Variants in HESX1 observed in about 807,000 individuals in gnomAD.
HESX1 encodes the protein HESX homeobox 1, also known as homeobox expressed in ES cells 1.
Under a neutral mutation model 22.5 loss-of-function variants are expected in HESX1, and 11 were observed. The ratio of observed to expected loss-of-function variants is 0.49; its 90% CI spans 0.31 to 0.81. HESX1 has a LOEUF of 0.81. Among genes scored for constraint, HESX1 ranks in the 30% least tolerant of loss-of-function variants. The pLI is 0.05. For synonymous variants in HESX1, 74 were observed against 76.5 expected (o/e 0.97, Z 0.17); for missense variants, 201 against 212.6 (o/e 0.95, Z 0.34).
chr3:57,217,526 G>A (rs2060589215), intron 1 of HESX1, among the ~76,000 whole-genome samples: 2 of 151,984 alleles, frequency 1.3e-5, no homozygotes, highest in South Asian at 2.1e-4. Context: ...CTCACTTGAG[G>A]ACCAATCCCC....
intron 1 of HESX1, among the ~76,000 whole-genome samples, chr3:57,218,068 G>A (rs1264291522): frequency 6.6e-6 from 1 of 152,078 alleles, no homozygotes; most frequent in African/African-American, 2.4e-5. Flanking sequence ...TATTCAGACA[G>A]GGAAGAGGAA....
intron 1 of HESX1, among the ~76,000 whole-genome samples, chr3:57,207,943 ATC>A (rs1325389935): frequency 6.6e-6 from 1 of 152,202 alleles, no homozygotes; most frequent in Non-Finnish European, 1.5e-5. Context: ...GCATAAAATA[ATC>A]TGTTTCACAT....
intron 1 of HESX1, among the ~76,000 whole-genome samples, chr3:57,223,295 T>C (rs2060624785): frequency 6.6e-6 from 1 of 152,236 alleles, no homozygotes; most frequent in South Asian, 2.1e-4. Flanking sequence ...TTAAAGTTCT[T>C]GGCCTGCTCA....
At chr3:57,199,585 C>T (rs1371631824) in intron 1 of HESX1, among the ~76,000 whole-genome samples, 177 bp downstream of exon 1, 1 of 150,646 alleles carries the variant, frequency 6.6e-6, no homozygotes, top group South Asian at 2.1e-4. Flanking sequence ...TGCCATTGCA[C>T]TCCAGTCTTG....
intron 2 of HESX1, 31 bp from the exon 3 acceptor site, chr3:57,198,523 G>T: frequency 7.5e-7 from 1 of 1,336,222 alleles, no homozygotes. Flanking sequence ...TATTCAGTAT[G>T]TCTCCAAAAA....
upstream of HESX1, among the ~76,000 whole-genome samples, chr3:57,204,080 G>A (rs1159235864): frequency 6.6e-6 from 1 of 152,206 alleles, no homozygotes; most frequent in Non-Finnish European, 1.5e-5. Context: ...CTGCAGCCAA[G>A]TCAGCCAAGT....
upstream of HESX1, chr3:57,200,133 T>G: frequency 1.8e-6 from 1 of 553,440 alleles, no homozygotes; most frequent in East Asian, 3.1e-5. Flanking sequence ...TTTATTTGTT[T>G]GCAAGTAATT....
At chr3:57,218,976 C>A (rs1275713894) in intron 1 of HESX1, among the ~76,000 whole-genome samples, 1 of 152,130 alleles carries the variant, frequency 6.6e-6, no homozygotes, top group East Asian at 1.9e-4. Flanking sequence ...GTTTTTAGCT[C>A]TTTGAGGAAT....
At chr3:57,219,859 C>T (rs2060605010) in intron 1 of HESX1, among the ~76,000 whole-genome samples, 1 of 152,122 alleles carries the variant, frequency 6.6e-6, no homozygotes, top group African/African-American at 2.4e-5. Context: ...TCCCATTTGT[C>T]AATTTTTGCT....
At chr3:57,226,841 C>G (rs1322162011), upstream of HESX1, among the ~76,000 whole-genome samples, 4 of 152,146 alleles carry the variant, frequency 2.6e-5, no homozygotes, top group African/African-American at 9.7e-5. Context: ...TGAAAGCCTA[C>G]AACTATACAG....
upstream of HESX1, among the ~76,000 whole-genome samples, chr3:57,204,136 A>G (rs2060506190): frequency 6.6e-6 from 1 of 151,904 alleles, no homozygotes; most frequent in Admixed American, 6.5e-5. Flanking sequence ...GTTTTGTGAG[A>G]AACATATTCA....
upstream of HESX1, among the ~76,000 whole-genome samples, chr3:57,201,144 A>G (rs1328765333): frequency 3.3e-5 from 5 of 152,364 alleles, no homozygotes. Flanking sequence ...AATAGCCTCT[A>G]TAGGATGGAG....
upstream of HESX1, among the ~76,000 whole-genome samples, chr3:57,203,796 C>T (rs767113025): frequency 9.2e-5 from 14 of 152,260 alleles, no homozygotes; most frequent in Non-Finnish European, 1.9e-4. Flanking sequence ...CTCAAGTGGT[C>T]TGCCTGCCTC....
chr3:57,213,257 G>C (rs1474296429), intron 1 of HESX1, among the ~76,000 whole-genome samples: 1 of 152,170 alleles, frequency 6.6e-6, no homozygotes, highest in East Asian at 1.9e-4. Flanking sequence ...GGGGTGCACG[G>C]AAATGCATGG....
At chr3:57,217,613 A>G (rs899635635) in intron 1 of HESX1, among the ~76,000 whole-genome samples, 1 of 152,050 alleles carries the variant, frequency 6.6e-6, no homozygotes, top group Admixed American at 6.6e-5. Flanking sequence ...AGACCTAGCC[A>G]TGCTCCACGT....
At chr3:57,216,841 G>A (rs2060585420) in intron 1 of HESX1, among the ~76,000 whole-genome samples, 1 of 152,134 alleles carries the variant, frequency 6.6e-6, no homozygotes, top group African/African-American at 2.4e-5. Context: ...AGTATTTTGT[G>A]TGGAGGAGGT....
At chr3:57,225,374 CAG>C (rs1459805429) in intron 1 of HESX1, among the ~76,000 whole-genome samples, 1 of 152,102 alleles carries the variant, frequency 6.6e-6, no homozygotes, top group African/African-American at 2.4e-5. Context: ...GTTTTTGAGA[CAG>C]AGTTTCGCTC....
At chr3:57,219,972 G>A (rs1001283488) in intron 1 of HESX1, among the ~76,000 whole-genome samples, 2 of 152,084 alleles carry the variant, frequency 1.3e-5, no homozygotes, top group Non-Finnish European at 2.9e-5. Context: ...TGTAATTTTG[G>A]GTTTTACATT....
chr3:57,222,412 C>T (rs763943636), intron 1 of HESX1, among the ~76,000 whole-genome samples: 42 of 152,110 alleles, frequency 2.8e-4, no homozygotes, highest in Non-Finnish European at 4.1e-4. Flanking sequence ...GCATGTGCCA[C>T]CACACCTGGC....
Sources: allele counts gnomAD v4.1 joint callset (sites outside exome capture counted in the v4.1 genomes callset), GRCh38; gene constraint gnomAD v4.1.1; transcripts MANE v1.5; gene names NCBI Gene and HGNC (gene_info 2026-07-23, HGNC 2026-07-21).